The following XKR9 variants were observed in gnomAD, a reference collection of about 807,000 sequenced individuals.
XKR9 encodes XK-related protein 9.
A neutral mutation model predicts 32.0 loss-of-function variants in XKR9; 32 were observed. The observed-to-expected ratio is 1.00, with a 90% confidence interval of 0.76 to 1.34. XKR9 has a LOEUF of 1.34. XKR9 is among the 40% of genes most tolerant of loss of function. The probability of loss-of-function intolerance (pLI) is 0.00; values close to 1 mark genes in which losing one functional copy is unlikely to be tolerated. For missense variants in XKR9, 546 were observed against 429.7 expected (o/e 1.27, Z -2.39); for synonymous variants, 168 against 143.4 (o/e 1.17, Z -1.22).
chr8:70,999,121 A>G, the XKR9 span, among the ~76,000 whole-genome samples: 3 of 152,332 alleles, frequency 2.0e-5, no homozygotes, highest in East Asian at 3.9e-4. Flanking sequence ...GTTAGTGGGA[A>G]CACATGAAAA....
chr8:71,054,313 A>G, the XKR9 span, among the ~76,000 whole-genome samples: 4 of 152,328 alleles, frequency 2.6e-5, no homozygotes, highest in African/African-American at 9.6e-5. Context: ...ATTTTCACCT[A>G]TTTTGTGGGA....
chr8:70,747,519 G>C (rs752444427), intron 2 of XKR9, among the ~76,000 whole-genome samples: 1 of 152,218 alleles, frequency 6.6e-6, no homozygotes, highest in African/African-American at 2.4e-5. Context: ...GGGATGCCCT[G>C]TGTGGCCTTG....
At chr8:70,912,611 A>G in the XKR9 span, among the ~76,000 whole-genome samples, 4 of 152,164 alleles carry the variant, frequency 2.6e-5, no homozygotes, top group Non-Finnish European at 5.9e-5. Context: ...TTCAAGGCAT[A>G]GTTAAATGAA....
chr8:70,943,055 T>G, the XKR9 span, among the ~76,000 whole-genome samples: 1 of 133,772 alleles, frequency 7.5e-6, no homozygotes, highest in South Asian at 2.1e-4. Context: ...GAAAATTGTA[T>G]TTTTATTAGC....
intron 3 of XKR9, among the ~76,000 whole-genome samples, chr8:70,692,634 A>G (rs879883520): frequency 3.3e-5 from 5 of 152,092 alleles, no homozygotes; most frequent in Non-Finnish European, 7.4e-5. Flanking sequence ...GCTGGAGTGC[A>G]ATGGTGCGAT....
chr8:70,833,861 A>G, the XKR9 span, among the ~76,000 whole-genome samples: 829 of 152,302 alleles, frequency 5.4e-3, 12 homozygotes, highest in African/African-American at 0.019. Flanking sequence ...AAGCCAATAC[A>G]TGGTCTCATT....
chr8:70,783,758 G>A (rs1481883693), intron 2 of XKR9, among the ~76,000 whole-genome samples: 2 of 151,916 alleles, frequency 1.3e-5, no homozygotes, highest in Non-Finnish European at 2.9e-5. Flanking sequence ...GTGCATTTGA[G>A]GTCAAATACA....
the XKR9 span, among the ~76,000 whole-genome samples, chr8:70,975,461 GCTAGCCAGTTTTC>G: frequency 2.0e-5 from 3 of 152,124 alleles, no homozygotes. Context: ...TCTATAAATG[GCTAGCCAGTTTTC>G]CCAGCACCAT....
At chr8:70,724,152 A>G (rs1806378786) in intron 4 of XKR9, among the ~76,000 whole-genome samples, 1 of 152,170 alleles carries the variant, frequency 6.6e-6, no homozygotes, top group South Asian at 2.1e-4. Context: ...AGTTCTGCCC[A>G]GTCTGAACTT....
At chr8:70,827,751 G>A in the XKR9 span, among the ~76,000 whole-genome samples, 1 of 152,032 alleles carries the variant, frequency 6.6e-6, no homozygotes, top group East Asian at 1.9e-4. Flanking sequence ...GCTTATGAAT[G>A]TATTTATTGG....
intron 3 of XKR9, among the ~76,000 whole-genome samples, chr8:70,693,795 G>A (rs957533864): frequency 6.6e-6 from 1 of 152,224 alleles, no homozygotes; most frequent in Non-Finnish European, 1.5e-5. Flanking sequence ...CTTCTCCTTA[G>A]GTTGACTGCA....
chr8:70,732,111 G>A (rs897868907), intron 4 of XKR9, among the ~76,000 whole-genome samples: 6 of 152,114 alleles, frequency 3.9e-5, no homozygotes, highest in African/African-American at 1.4e-4. Context: ...CAAGACCCCC[G>A]AAGGAGCTGA....
At chr8:70,739,723 A>G (rs1286096635), downstream of XKR9, among the ~76,000 whole-genome samples, 1 of 152,098 alleles carries the variant, frequency 6.6e-6, no homozygotes, top group Non-Finnish European at 1.5e-5. Flanking sequence ...TCCTTCACTT[A>G]TTAAGCTTAG....
At chr8:70,855,288 C>T in the XKR9 span, among the ~76,000 whole-genome samples, 2 of 152,134 alleles carry the variant, frequency 1.3e-5, no homozygotes, top group African/African-American at 4.8e-5. Flanking sequence ...CTTAAAGGAC[C>T]TGATGGAGCT....
the XKR9 span, among the ~76,000 whole-genome samples, chr8:70,979,397 A>G: frequency 2.0e-5 from 3 of 152,090 alleles, no homozygotes; most frequent in Admixed American, 2.0e-4. Context: ...GTGTTTGATG[A>G]TGGTGACGTA....
chr8:70,941,457 A>G, the XKR9 span, among the ~76,000 whole-genome samples: 3 of 152,118 alleles, frequency 2.0e-5, no homozygotes, highest in Non-Finnish European at 4.4e-5. Flanking sequence ...ACAGTCATAT[A>G]CCAGCAGGTC....
chr8:70,745,145 AT>A (rs1013258690), intron 2 of XKR9, among the ~76,000 whole-genome samples: 3 of 150,798 alleles, frequency 2.0e-5, no homozygotes, highest in Non-Finnish European at 4.5e-5. Flanking sequence ...ACATTTTCTT[AT>A]TGGTTTTATA....
the XKR9 span, among the ~76,000 whole-genome samples, chr8:71,015,206 G>T: frequency 1.3e-5 from 2 of 152,218 alleles, no homozygotes; most frequent in South Asian, 4.1e-4. Context: ...AACTAATTTT[G>T]AGTTAGCAGA....
At chr8:70,837,313 A>G in the XKR9 span, among the ~76,000 whole-genome samples, 3 of 152,134 alleles carry the variant, frequency 2.0e-5, no homozygotes, top group Non-Finnish European at 2.9e-5. Flanking sequence ...TTTGATGACT[A>G]GAAGGCTTAC....
Sources: gnomAD v4.1 joint callset for allele counts (sites outside exome capture counted in the v4.1 genomes callset) on GRCh38, gnomAD v4.1.1 for gene constraint, MANE v1.5 for transcripts, NCBI Gene and HGNC (gene_info 2026-07-23, HGNC 2026-07-21) for gene names.